Variants in MYO5A observed in about 807,000 individuals in gnomAD.
MYO5A encodes unconventional myosin-Va.
A neutral mutation model predicts 249.7 loss-of-function variants in MYO5A; 98 were observed. That is an observed-to-expected ratio of 0.39 (90% CI 0.33 to 0.46). The LOEUF is 0.46. MYO5A is among the 20% of genes least tolerant of loss of function. The probability of loss-of-function intolerance (pLI) is 0.98; values close to 1 mark genes in which losing one functional copy is unlikely to be tolerated. For missense variants in MYO5A, 1,696 were observed against 2,308.8 expected (o/e 0.73, Z 5.44); for synonymous variants, 778 against 810.6 (o/e 0.96, Z 0.68).
chr15:52,510,081 A>T (rs1223407640), intron 1 of MYO5A, among the ~76,000 whole-genome samples: 1 of 148,880 alleles, frequency 6.7e-6, no homozygotes, highest in Non-Finnish European at 1.5e-5. Context: ...TGGCTACTTA[A>T]GGAATTAAGC....
intron 1 of MYO5A, among the ~76,000 whole-genome samples, chr15:52,439,068 C>G (rs562924760): frequency 3.5e-4 from 54 of 152,252 alleles, no homozygotes; most frequent in African/African-American, 8.2e-4. Context: ...TTCCACAGTT[C>G]TCTTCCGTGA....
chr15:52,516,343 T>C (rs142392081), intron 1 of MYO5A, among the ~76,000 whole-genome samples: 2 of 152,308 alleles, frequency 1.3e-5, no homozygotes, highest in Non-Finnish European at 2.9e-5. Context: ...TATTATTTGA[T>C]AATTTACTGC....
chr15:52,455,519 C>T (rs981208456), intron 1 of MYO5A, among the ~76,000 whole-genome samples: 1 of 152,054 alleles, frequency 6.6e-6, no homozygotes, highest in Non-Finnish European at 1.5e-5. Flanking sequence ...AAGAAAACTA[C>T]AGGCTAATAT....
At chr15:52,526,691 T>C (rs531467776) in intron 1 of MYO5A, among the ~76,000 whole-genome samples, 1 of 152,296 alleles carries the variant, frequency 6.6e-6, no homozygotes, top group Non-Finnish European at 1.5e-5. Flanking sequence ...CCAGGTCTCA[T>C]TATGTTCCTC....
chr15:52,340,308 T>A lies in MYO5A; in HGVS notation c.4127A>T (p.Glu1376Val). 1 of 1,614,034 alleles carries A rather than the reference T, an allele frequency of 6.2e-7. No homozygotes were observed. The highest frequency in any genetic ancestry group is 8.5e-7 in the Non-Finnish European group (1 of 1,180,022). The change falls in exon 32 of 42, where the codon GAG (glutamate) becomes GTG (valine). Residue 1376 changes from glutamate (E) to valine (V), a missense_variant. By Grantham distance (121) the Glu-to-Val change is moderately radical (BLOSUM62 -2). Around this residue, in one of 5 missense-constraint regions of MYO5A, gnomAD observed 625 missense variants for 908.1 expected, o/e 0.69. Coordinates refer to ENST00000399233, the MANE Select transcript of MYO5A (RefSeq NM_001382347.1). ...ALRGEIQSLK[E>V]ENNRQQQLLA... ...CAGCTGCTGCTGTCGGTTGTTCTCC[T>A]CCTTCAGGCTCTGGATCTCCCCACG...
At chr15:52,460,376 A>C (rs1469100124) in intron 1 of MYO5A, among the ~76,000 whole-genome samples, 1 of 152,186 alleles carries the variant, frequency 6.6e-6, no homozygotes, top group East Asian at 1.9e-4. Flanking sequence ...TGAGTGAGCG[A>C]GACTCCGTCT....
intron 25 of MYO5A, among the ~76,000 whole-genome samples, chr15:52,358,023 A>G (rs2040332202): frequency 1.3e-5 from 2 of 152,222 alleles, no homozygotes. Context: ...AAGGTGTGAG[A>G]AAGCTTGACA....
chr15:52,416,072 G>C (rs1310083591), intron 5 of MYO5A, 73 bp downstream of exon 5: 1 of 1,547,206 alleles, frequency 6.5e-7, no homozygotes, highest in African/African-American at 1.4e-5. Flanking sequence ...GAGACATGCT[G>C]TATCAATCAA....
chr15:52,406,901 T>C (rs2043027729), intron 8 of MYO5A, among the ~76,000 whole-genome samples: 2 of 152,136 alleles, frequency 1.3e-5, no homozygotes, highest in Non-Finnish European at 1.5e-5. Context: ...AATGCGAGCT[T>C]GTAGAGGAGC....
In MYO5A at chr15:52,425,720, T is replaced by C. The variant is rs2075380330; in HGVS notation, c.455+110A>G. On this transcript the variant is annotated intron_variant, in intron 4 of 41. Coordinates refer to ENST00000399233, the MANE Select transcript of MYO5A (RefSeq NM_001382347.1). ...GACAAACTTGTCAAGGCTGCTTATTTAGTAATTATTTACAAGGTTGCCATT... is the reference window on the plus strand; with the variant it reads ...GACAAACTTGTCAAGGCTGCTTATTCAGTAATTATTTACAAGGTTGCCATT... 6 of 1,260,718 alleles carry C rather than the reference T, an allele frequency of 4.8e-6. No homozygotes were observed. In the South Asian group the frequency reaches 7.4e-5, roughly 15 times the overall value. The allele number at this position is 1,260,718 out of a possible 1,614,324, so 78.1% of individuals were successfully genotyped here.
chr15:52,481,940 C>G (rs2076723056), intron 1 of MYO5A, among the ~76,000 whole-genome samples: 1 of 152,136 alleles, frequency 6.6e-6, no homozygotes, highest in Non-Finnish European at 1.5e-5. Context: ...TTAGTAGAAA[C>G]AGGATATAAT....
intron 9 of MYO5A, among the ~76,000 whole-genome samples, chr15:52,402,030 T>C (rs2042781658): frequency 6.6e-6 from 1 of 152,196 alleles, no homozygotes; most frequent in Non-Finnish European, 1.5e-5. Flanking sequence ...CTTGTGATTT[T>C]TGACTGTGAG....
chr15:52,331,442 G>A (rs1267651380), intron 34 of MYO5A, among the ~76,000 whole-genome samples: 2 of 152,208 alleles, frequency 1.3e-5, no homozygotes, highest in Non-Finnish European at 2.9e-5. Flanking sequence ...GGAGATACAC[G>A]CTAGTAACCA....
chr15:52,321,313 A>C, intron 38 of MYO5A, 46 bp downstream of exon 38: 1 of 1,613,300 alleles, frequency 6.2e-7, no homozygotes, highest in Non-Finnish European at 8.5e-7. Flanking sequence ...ATCGATGGGC[A>C]TGAATGATAG....
At chr15:52,479,322 A>G (rs1343314615) in intron 1 of MYO5A, among the ~76,000 whole-genome samples, 7 of 152,228 alleles carry the variant, frequency 4.6e-5, no homozygotes. Flanking sequence ...TTATGGTAGT[A>G]AATGATAAAA....
chr15:52,525,187 A>G lies in MYO5A; in HGVS notation c.27+3593T>C, dbSNP rs1173381096. Among the ~76,000 whole-genome samples the G allele has an allele frequency of 2.6e-5, 4 of 152,226 alleles. No homozygotes were observed. In the South Asian group the frequency reaches 6.2e-4, roughly 24 times the overall value. On this transcript the variant is annotated intron_variant, in intron 1 of 41. Coordinates refer to ENST00000399233, the MANE Select transcript of MYO5A (RefSeq NM_001382347.1). ...CATAGTTTCCTTTAATTCTTTTGGGAGCAAGGCAGGTTGACCACAAACACA... is the reference window on the plus strand; with the variant it reads ...CATAGTTTCCTTTAATTCTTTTGGGGGCAAGGCAGGTTGACCACAAACACA...
At chr15:52,425,613 G>C (rs1275762186) in intron 4 of MYO5A, among the ~76,000 whole-genome samples, 1 of 152,100 alleles carries the variant, frequency 6.6e-6, no homozygotes, top group African/African-American at 2.4e-5. Context: ...GCCCACCTTG[G>C]CCTCCCAAAG....
At chr15:52,482,355 T>C (rs772650426) in intron 1 of MYO5A, among the ~76,000 whole-genome samples, 76 of 152,220 alleles carry the variant, frequency 5.0e-4, no homozygotes, top group Non-Finnish European at 1.0e-3. Flanking sequence ...TTGTTTTTTG[T>C]GAGTGGGCTT....
chr15:52,511,536 C>T (rs2077390245), intron 1 of MYO5A, among the ~76,000 whole-genome samples: 1 of 152,152 alleles, frequency 6.6e-6, no homozygotes, highest in Admixed American at 6.5e-5. Context: ...CATGCAAGAG[C>T]TTGACAAATC....
Sources: gnomAD v4.1 joint callset for allele counts (sites outside exome capture counted in the v4.1 genomes callset) on GRCh38, gnomAD v4.1.1 for gene constraint, gnomAD v4.1.1 regional missense constraint, MANE v1.5 for transcripts, NCBI Gene and HGNC (gene_info 2026-07-23, HGNC 2026-07-21) for gene names.